Variants in UFD1 observed in about 807,000 individuals in gnomAD.
The protein encoded by UFD1 is ubiquitin recognition factor in ER associated degradation 1, also known as ubiquitin recognition factor in ER-associated degradation protein 1.
Under a neutral mutation model 45.9 loss-of-function variants are expected in UFD1, and 13 were observed. The observed-to-expected ratio is 0.28, with a 90% confidence interval of 0.18 to 0.45. The LOEUF is 0.45. Ranked by LOEUF, UFD1 falls within the 20% of genes least tolerant of loss-of-function variation. UFD1 has a pLI of 1.00. For missense variants in UFD1, 218 were observed against 389.2 expected, an observed-to-expected ratio of 0.56 and a Z score of 3.70; for synonymous variants, 128 against 139.2, an observed-to-expected ratio of 0.92 and a Z score of 0.56.
intron 6 of UFD1, among the ~76,000 whole-genome samples, chr22:19,460,932 T>C (rs1223377959): frequency 6.6e-6 from 1 of 152,024 alleles, no homozygotes; most frequent in East Asian, 1.9e-4. Context: ...TTTCATTAAT[T>C]TTTTGTAGTG....
At chr22:19,477,637 G>A (rs2089893778) in intron 1 of UFD1, among the ~76,000 whole-genome samples, 1 of 151,936 alleles carries the variant, frequency 6.6e-6, no homozygotes, top group African/African-American at 2.4e-5. Flanking sequence ...CAACACTATT[G>A]AACTATAGAC....
chr22:19,454,852 G>C (rs1285702428), intron 10 of UFD1, 22 bp from the exon 11 acceptor site: 7 of 1,604,740 alleles, frequency 4.4e-6, no homozygotes, highest in Non-Finnish European at 5.9e-6. Flanking sequence ...GACAGAGACA[G>C]AGAAATGTTA....
intron 11 of UFD1, chr22:19,453,619 G>A (rs2089699516): frequency 1.0e-6 from 1 of 985,502 alleles, no homozygotes. Flanking sequence ...GCTGGAGGGT[G>A]AGGTCTGACT....
At position 19,454,848 on chromosome 22, in the gene UFD1, G is replaced by T; in HGVS notation, c.768-18C>A. On this transcript the variant is annotated intron_variant, in intron 10 of 11. Coordinates refer to ENST00000263202, the MANE Select transcript of UFD1 (RefSeq NM_005659.7). ...GAATTCCTCTGTAAGAAGAGACAGAGACAGAGAAATGTTATTTCCAGGAAA... is the reference window on the plus strand; with the variant it reads ...GAATTCCTCTGTAAGAAGAGACAGATACAGAGAAATGTTATTTCCAGGAAA... 6.2e-7 allele frequency: 1 copy of T among 1,607,302 alleles called. No individual in the cohort carries two copies.
At chr22:19,469,857 G>A (rs926020805) in intron 4 of UFD1, 6 of 491,604 alleles carry the variant, frequency 1.2e-5, no homozygotes, top group Non-Finnish European at 2.0e-5. Flanking sequence ...CTTTCCAGGG[G>A]AGAAAGGGTT....
intron 3 of UFD1, among the ~76,000 whole-genome samples, chr22:19,473,825 A>G (rs1285070716): frequency 6.6e-6 from 1 of 152,220 alleles, no homozygotes; most frequent in Non-Finnish European, 1.5e-5. Flanking sequence ...GGCTGGGCAA[A>G]GAGCCCGAGG....
At chr22:19,456,284 T>C (rs1232707349) in intron 9 of UFD1, among the ~76,000 whole-genome samples, 1 of 152,162 alleles carries the variant, frequency 6.6e-6, no homozygotes, top group Non-Finnish European at 1.5e-5. Flanking sequence ...AGAAAGCAAA[T>C]GTGGTAACTT....
rs949074947 is a variant in UFD1, at chr22:19,450,012, T to C, written c.*658A>G. 13 of 152,208 alleles carry C rather than the reference T, an allele frequency of 8.5e-5. No individual in the cohort carries two copies. Among genetic ancestry groups the C allele is most frequent in the African/African-American group, 3.1e-4 (13 of 41,450 alleles). 9.4% of individuals were successfully genotyped at this position (152,208 alleles called of 1,614,324 possible). A position where few individuals can be genotyped will look rare whatever the true frequency, so the allele number is the denominator to read the frequency against. On this transcript the variant is annotated 3_prime_UTR_variant, in exon 12 of 12. Coordinates refer to ENST00000263202, the MANE Select transcript of UFD1 (RefSeq NM_005659.7). Reference sequence around the variant, plus strand: ...TTGTTCATTCTAACATTCACATGTTTGCTTCTCCATGGAGTTGTTTCACTA... The same window carrying C: ...TTGTTCATTCTAACATTCACATGTTCGCTTCTCCATGGAGTTGTTTCACTA...
chr22:19,450,619 G>C lies in UFD1; in HGVS notation c.*51C>G, dbSNP rs748150096. On this transcript the variant is annotated 3_prime_UTR_variant, in exon 12 of 12. Coordinates refer to ENST00000263202, the MANE Select transcript of UFD1 (RefSeq NM_005659.7). Reference sequence around the variant, plus strand: ...GTCAGTGCCAGTAACTAAAAGCCAAGATGTTGCAAATGATTCTTTTATTAT... The same window carrying C: ...GTCAGTGCCAGTAACTAAAAGCCAACATGTTGCAAATGATTCTTTTATTAT... The C allele has an allele frequency of 1.2e-6, 2 of 1,611,040 alleles. No homozygotes were observed. The highest frequency in any genetic ancestry group is 1.7e-6 in the Non-Finnish European group (2 of 1,177,918).
In UFD1 at chr22:19,456,609, T is replaced by C. The variant is rs1371039024; in HGVS notation, c.656A>G (p.Tyr219Cys). Residue 219 changes from tyrosine to cysteine, a missense_variant, in exon 9 of 12, where the codon TAT becomes TGT. Physicochemically the swap from Tyr to Cys is radical, Grantham distance 194 (BLOSUM62 -2). Transcript: ENST00000263202. ...CACGCGGAAGCCCAGCTCTCCAGCATAGCCACTGTGGTCGGCTTCACCTTC... is the reference window on the plus strand; with the variant it reads ...CACGCGGAAGCCCAGCTCTCCAGCACAGCCACTGTGGTCGGCTTCACCTTC... ...STEGEADHSG[Y>C]AGELGFRAFS... 6.2e-7 allele frequency: 1 copy of C among 1,614,040 alleles called. No individual in the cohort carries two copies. The highest frequency in any genetic ancestry group is 8.5e-7 in the Non-Finnish European group (1 of 1,180,048).
chr22:19,471,461 G>A (rs2089844822), intron 4 of UFD1: 2 of 764,668 alleles, frequency 2.6e-6, no homozygotes, highest in South Asian at 2.7e-5. Flanking sequence ...CAAAGAAAAG[G>A]CCACTCCCAC....
chr22:19,466,774 G>C (rs927177392), intron 5 of UFD1: 1 of 152,340 alleles, frequency 6.6e-6, no homozygotes, highest in Non-Finnish European at 1.5e-5. Context: ...AGTTTGCAGT[G>C]AGCTGAGACC....
At chr22:19,470,248 G>A (rs1226690604) in intron 4 of UFD1, among the ~76,000 whole-genome samples, 1 of 152,204 alleles carries the variant, frequency 6.6e-6, no homozygotes, top group Non-Finnish European at 1.5e-5. Context: ...CTGAGGTGAG[G>A]AGGCAGCATG....
chr22:19,475,888 T>A (rs749820794), intron 1 of UFD1, among the ~76,000 whole-genome samples: 1 of 152,220 alleles, frequency 6.6e-6, no homozygotes, highest in African/African-American at 2.4e-5. Context: ...GGCTAGTTCC[T>A]CTGCCTTGAA....
At chr22:19,472,071 T>G (rs983685629) in intron 3 of UFD1, among the ~76,000 whole-genome samples, 1 of 152,220 alleles carries the variant, frequency 6.6e-6, no homozygotes, top group African/African-American at 2.4e-5. Context: ...TCATAAATAA[T>G]TTCAGTGCCC....
At chr22:19,453,515 C>T in intron 11 of UFD1, 5 of 985,482 alleles carry the variant, frequency 5.1e-6, no homozygotes, top group Non-Finnish European at 6.0e-6. Context: ...TGGGGGACGT[C>T]CCATGCTAAG....
chr22:19,478,900 C>CCA, intron 1 of UFD1, 183 bp downstream of exon 1: 1 of 744,194 alleles, frequency 1.3e-6, no homozygotes, highest in Non-Finnish European at 2.0e-6. Context: ...GCGGACGCGA[C>CCA]CACAGGCGGT....
At chr22:19,464,558 G>A (rs772769367) in intron 6 of UFD1, among the ~76,000 whole-genome samples, 2 of 152,260 alleles carry the variant, frequency 1.3e-5, no homozygotes, top group Non-Finnish European at 2.9e-5. Flanking sequence ...CAGTTAAATT[G>A]TCTAGATCCA....
chr22:19,475,159 G>C, intron 2 of UFD1, 59 bp from the exon 3 acceptor site: 1 of 1,521,540 alleles, frequency 6.6e-7, no homozygotes. Flanking sequence ...CAGACCAAAG[G>C]CAAGATGCAG....
Sources: gnomAD v4.1 joint callset for allele counts (sites outside exome capture counted in the v4.1 genomes callset) on GRCh38, gnomAD v4.1.1 for gene constraint, MANE v1.5 for transcripts, NCBI Gene and HGNC (gene_info 2026-07-23, HGNC 2026-07-21) for gene names.